B4GALT5: variants seen among roughly 807,000 people sequenced by gnomAD.
B4GALT5 encodes beta-1,4-galactosyltransferase 5.
A neutral mutation model predicts 45.0 loss-of-function variants in B4GALT5; 11 were observed. The ratio of observed to expected loss-of-function variants is 0.24; its 90% CI spans 0.15 to 0.40. The LOEUF is 0.40. B4GALT5 is among the 10% of genes least tolerant of loss of function. B4GALT5 has a pLI of 1.00. For missense variants in B4GALT5, 337 were observed against 500.2 expected, an observed-to-expected ratio of 0.67 and a Z score of 3.11; for synonymous variants, 185 against 182.9, an observed-to-expected ratio of 1.01 and a Z score of -0.09.
chr20:49,681,024 C>T (rs6091025), intron 1 of B4GALT5, among the ~76,000 whole-genome samples: 74,277 of 151,504 alleles, frequency 0.49, 18,682 homozygotes, highest in South Asian at 0.65. Context: ...AGTTTGAGAC[C>T]AGCCTGGGAA....
At chr20:49,673,306 G>C (rs1466654077) in intron 1 of B4GALT5, among the ~76,000 whole-genome samples, 1 of 152,068 alleles carries the variant, frequency 6.6e-6, no homozygotes, top group Non-Finnish European at 1.5e-5. Flanking sequence ...CTTGAACCCA[G>C]GAGGCAGAGA....
intron 1 of B4GALT5, among the ~76,000 whole-genome samples, chr20:49,671,505 A>G (rs1346899939): frequency 6.6e-6 from 1 of 152,268 alleles, no homozygotes; most frequent in African/African-American, 2.4e-5. Context: ...TACATACAGT[A>G]TATCACATTT....
chr20:49,671,613 G>A (rs1568725343), intron 1 of B4GALT5, among the ~76,000 whole-genome samples: 1 of 152,136 alleles, frequency 6.6e-6, no homozygotes, highest in Admixed American at 6.5e-5. Flanking sequence ...CAGAATTACA[G>A]GTCATCTGGG....
chr20:49,667,500 G>A (rs761470189), intron 1 of B4GALT5, among the ~76,000 whole-genome samples: 11 of 151,878 alleles, frequency 7.2e-5, no homozygotes, highest in Non-Finnish European at 1.5e-4. Flanking sequence ...TGATCCACCC[G>A]CCTTGGCCTC....
chr20:49,710,132 A>G (rs1021842897), intron 1 of B4GALT5, among the ~76,000 whole-genome samples: 1 of 152,208 alleles, frequency 6.6e-6, no homozygotes, highest in Non-Finnish European at 1.5e-5. Flanking sequence ...CAAGTCTACT[A>G]TTTCTGAATC....
At chr20:49,707,261 C>A (rs1365898655) in intron 1 of B4GALT5, among the ~76,000 whole-genome samples, 4 of 152,076 alleles carry the variant, frequency 2.6e-5, no homozygotes, top group Non-Finnish European at 5.9e-5. Flanking sequence ...AAAAGTGGTG[C>A]TGTTTACTTT....
chr20:49,655,190 G>A (rs1276277633), intron 2 of B4GALT5, among the ~76,000 whole-genome samples: 1 of 151,956 alleles, frequency 6.6e-6, no homozygotes, highest in Non-Finnish European at 1.5e-5. Flanking sequence ...CAACACTTTG[G>A]GAGGCCGAGG....
At position 49,680,600 on chromosome 20, in the gene B4GALT5, G is replaced by A. The variant is rs576359498; in HGVS notation, c.116-23898C>T. Among the ~76,000 whole-genome samples the A allele has an allele frequency of 3.1e-4, 47 of 152,182 alleles. 1 individual carries two copies. In the South Asian group the frequency reaches 9.1e-3, roughly 30 times the overall value. ...TAGAATGGTGATTATTAGAAGTTGC[G>A]GAGAAGGGGACTAATAATAGGTGGA... On this transcript the variant is annotated intron_variant, in intron 1 of 8. Transcript: ENST00000371711.
chr20:49,642,085 T>C (rs1408518048), intron 5 of B4GALT5, among the ~76,000 whole-genome samples: 1 of 152,184 alleles, frequency 6.6e-6, no homozygotes, highest in Non-Finnish European at 1.5e-5. Flanking sequence ...GGCCACTTGG[T>C]TGATTAACAG....
At chr20:49,668,499 A>G (rs567534036) in intron 1 of B4GALT5, among the ~76,000 whole-genome samples, 1 of 148,992 alleles carries the variant, frequency 6.7e-6, no homozygotes, top group African/African-American at 2.5e-5. Flanking sequence ...ACATAACCTC[A>G]GTATAAGCTT....
intron 2 of B4GALT5, among the ~76,000 whole-genome samples, chr20:49,654,118 C>T (rs2085632700): frequency 6.6e-6 from 1 of 152,222 alleles, no homozygotes; most frequent in African/African-American, 2.4e-5. Context: ...CAAATGTTCC[C>T]TTACTCAGTG....
chr20:49,685,000 TAC>T (rs779352766), intron 1 of B4GALT5, among the ~76,000 whole-genome samples: 1 of 152,220 alleles, frequency 6.6e-6, no homozygotes, highest in Non-Finnish European at 1.5e-5. Flanking sequence ...GTGAATATAG[TAC>T]ACAGAGTTTC....
At chr20:49,686,900 A>C (rs1353904369) in intron 1 of B4GALT5, among the ~76,000 whole-genome samples, 1 of 151,708 alleles carries the variant, frequency 6.6e-6, no homozygotes, top group Non-Finnish European at 1.5e-5. Context: ...CCCCATCTTT[A>C]CCAAAGAAAA....
At chr20:49,712,255 A>C (rs2085916174) in intron 1 of B4GALT5, among the ~76,000 whole-genome samples, 1 of 152,114 alleles carries the variant, frequency 6.6e-6, no homozygotes. Context: ...CATCCTTAAC[A>C]CTGTATGAGA....
Position 49,633,401 on chromosome 20 carries a change from C to T in B4GALT5, c.*2911G>A, listed in dbSNP as rs995578277. ...ACCCATCAGTAGCCTTGAAGATTTT[C>T]AGCTACCAATATATGCACAAGGTCA... On this transcript the variant is annotated 3_prime_UTR_variant, in exon 9 of 9. Transcript: ENST00000371711. The T allele has an allele frequency of 6.9e-6, 1 of 144,756 alleles. No individual in the cohort carries two copies. The highest frequency in any genetic ancestry group is 1.5e-5 in the Non-Finnish European group (1 of 67,032). 9.0% of individuals were successfully genotyped at this position (144,756 alleles called of 1,614,324 possible).
At chr20:49,641,231 G>A (rs548009681) in intron 5 of B4GALT5, among the ~76,000 whole-genome samples, 2 of 152,202 alleles carry the variant, frequency 1.3e-5, no homozygotes, top group Non-Finnish European at 2.9e-5. Flanking sequence ...AAATGCAACC[G>A]TGTACCAGCA....
At chr20:49,709,218 G>A (rs1927781) in intron 1 of B4GALT5, among the ~76,000 whole-genome samples, 77,076 of 151,860 alleles carry the variant, frequency 0.51, 19,851 homozygotes, top group South Asian at 0.65. Flanking sequence ...TCATAAATAA[G>A]TTCAAAAGTT....
At chr20:49,708,079 CAA>C (rs11469156) in intron 1 of B4GALT5, among the ~76,000 whole-genome samples, 2,392 of 119,102 alleles carry the variant, frequency 0.02, 31 homozygotes, top group East Asian at 0.097. Flanking sequence ...ACTAAAAATA[CAA>C]AAAAAAAAAA....
At chr20:49,676,603 G>A (rs565174302) in intron 1 of B4GALT5, among the ~76,000 whole-genome samples, 10 of 152,290 alleles carry the variant, frequency 6.6e-5, no homozygotes, top group Admixed American at 3.9e-4. Flanking sequence ...TCTTCCTTCC[G>A]TAAGAAGGCC....
Sources: gnomAD v4.1 joint callset for allele counts (sites outside exome capture counted in the v4.1 genomes callset) on GRCh38, gnomAD v4.1.1 for gene constraint, MANE v1.5 for transcripts, NCBI Gene and HGNC (gene_info 2026-07-23, HGNC 2026-07-21) for gene names.